The following CYB5A variants were observed in gnomAD, a reference collection of about 807,000 sequenced individuals.
CYB5A encodes cytochrome b5 type A, also known as cytochrome b5.
In CYB5A, 10 loss-of-function variants were observed where a neutral mutation model predicts 16.2. The ratio of observed to expected loss-of-function variants is 0.62; its 90% CI spans 0.38 to 1.04. The LOEUF (loss-of-function observed/expected upper bound fraction) is 1.04. Ranked by LOEUF, CYB5A falls within the 50% of genes least tolerant of loss-of-function variation. The pLI, the probability that CYB5A is intolerant of heterozygous loss-of-function variation, is 0.01. For missense variants in CYB5A, 161 were observed against 165.9 expected, an observed-to-expected ratio of 0.97 and a Z score of 0.16; for synonymous variants, 62 against 57.0, an observed-to-expected ratio of 1.09 and a Z score of -0.40.
intron 1 of CYB5A, among the ~76,000 whole-genome samples, chr18:74,272,724 G>C (rs990226755): frequency 2.0e-5 from 3 of 152,264 alleles, no homozygotes; most frequent in African/African-American, 7.2e-5. Flanking sequence ...TTCAAGACCA[G>C]CCTGGCCAAC....
intron 1 of CYB5A, among the ~76,000 whole-genome samples, chr18:74,286,648 A>T (rs951573131): frequency 1.3e-5 from 2 of 152,218 alleles, no homozygotes; most frequent in African/African-American, 4.8e-5. Flanking sequence ...GTCTAAGACC[A>T]GGTCTAGTTT....
At chr18:74,266,583 A>G (rs1054553435) in intron 1 of CYB5A, among the ~76,000 whole-genome samples, 2 of 152,172 alleles carry the variant, frequency 1.3e-5, no homozygotes, top group Admixed American at 6.5e-5. Flanking sequence ...TACACATTCA[A>G]TTTCATGGGG....
In CYB5A at chr18:74,278,142, C is replaced by T. The variant is rs192830084; in HGVS notation, c.129+13605G>A. ...AGGCAGGCATTACCATTACTATCCCCACTTTACAGACAGAGGTGACGGAGC... is the reference window on the plus strand; with the variant it reads ...AGGCAGGCATTACCATTACTATCCCTACTTTACAGACAGAGGTGACGGAGC... On this transcript the variant is annotated intron_variant, in intron 1 of 4. Coordinates refer to ENST00000340533, the MANE Select transcript of CYB5A (RefSeq NM_148923.4). Among the ~76,000 whole-genome samples, 4 of 152,300 alleles carry T rather than the reference C, an allele frequency of 2.6e-5. No homozygotes were observed. The East Asian group carries it at 7.7e-4, about 29-fold the overall frequency.
At chr18:74,280,439 A>G (rs2145075557) in intron 1 of CYB5A, among the ~76,000 whole-genome samples, 1 of 151,700 alleles carries the variant, frequency 6.6e-6, no homozygotes, top group South Asian at 2.1e-4. Flanking sequence ...TTAGCCAGGC[A>G]TGGTGGTGCA....
chr18:74,274,636 G>T (rs1018017357), intron 1 of CYB5A, among the ~76,000 whole-genome samples: 2 of 152,046 alleles, frequency 1.3e-5, no homozygotes, highest in Non-Finnish European at 2.9e-5. Flanking sequence ...TTGTTTCTAG[G>T]GCCATTTTAT....
At chr18:74,256,853 C>T (rs1003756103) in intron 3 of CYB5A, 1 of 1,613,686 alleles carries the variant, frequency 6.2e-7, no homozygotes, top group Non-Finnish European at 8.5e-7. Flanking sequence ...CTTTAAGGTT[C>T]CTGACACAGT....
intron 1 of CYB5A, among the ~76,000 whole-genome samples, chr18:74,290,710 G>A (rs1983498793): frequency 6.6e-6 from 1 of 152,166 alleles, no homozygotes; most frequent in Admixed American, 6.5e-5. Context: ...ATTGGGAGGG[G>A]GCGTGAGCAT....
chr18:74,269,350 C>T (rs1982574525), intron 1 of CYB5A, among the ~76,000 whole-genome samples: 1 of 152,184 alleles, frequency 6.6e-6, no homozygotes, highest in African/African-American at 2.4e-5. Context: ...TCCTGATCGT[C>T]TACGTGTCTA....
chr18:74,260,080 T>C (rs1205274945), intron 3 of CYB5A: 1 of 152,320 alleles, frequency 6.6e-6, no homozygotes, highest in African/African-American at 2.4e-5. Flanking sequence ...TTAAAGATGA[T>C]GTCTTGGCAG....
At position 74,252,175 on chromosome 18, in the gene CYB5A, C is replaced by T. The variant is rs1251891892; in HGVS notation, c.*1409G>A. 2.6e-5 allele frequency: 4 copies of T among 152,236 alleles called. No homozygotes were observed. Among genetic ancestry groups the T allele is most frequent in the Non-Finnish European group, 4.4e-5 (3 of 68,044 alleles). The allele number at this position is 152,236 out of a possible 1,614,324, so 9.4% of individuals were successfully genotyped here. A position where few individuals can be genotyped will look rare whatever the true frequency, so the allele number is the denominator to read the frequency against. ...AAGGTTGTACTCTGTAAGAACAACA[C>T]AATTCCTTTCCACTGCACGCGGTCA... On this transcript the variant is annotated 3_prime_UTR_variant, in exon 5 of 5. Transcript: ENST00000340533.
intron 3 of CYB5A, chr18:74,257,073 T>C (rs748178717): frequency 1.9e-6 from 1 of 523,296 alleles, no homozygotes; most frequent in Non-Finnish European, 3.4e-6. Context: ...CACAATCAGT[T>C]CTGAAACAAA....
In CYB5A at chr18:74,260,895, C is replaced by T. The variant is rs1178217210; in HGVS notation, c.288+20G>A. 1 of 1,607,072 alleles carries T rather than the reference C, an allele frequency of 6.2e-7. No homozygotes were observed. Among genetic ancestry groups the T allele is most frequent in the Middle Eastern group, 1.7e-4 (1 of 6,042 alleles). On this transcript the variant is annotated intron_variant, in intron 3 of 4. Coordinates refer to ENST00000340533, the MANE Select transcript of CYB5A (RefSeq NM_148923.4). ...AATACAACGAGAACATCCAGAGATACTTGAGATGGTCACACTTACCGGAGG... is the reference window on the plus strand; with the variant it reads ...AATACAACGAGAACATCCAGAGATATTTGAGATGGTCACACTTACCGGAGG...
chr18:74,263,946 T>C (rs1233352123), intron 1 of CYB5A, among the ~76,000 whole-genome samples: 1 of 151,438 alleles, frequency 6.6e-6, no homozygotes, highest in African/African-American at 2.4e-5. Context: ...AAACAACCTT[T>C]CCCGGCCGGG....
intron 3 of CYB5A, chr18:74,256,322 A>T: frequency 5.9e-6 from 1 of 169,126 alleles, no homozygotes; most frequent in Non-Finnish European, 1.2e-5. Flanking sequence ...TTTAATTCTG[A>T]CCAGACGGAA....
chr18:74,264,764 A>G (rs147589356), intron 1 of CYB5A, among the ~76,000 whole-genome samples: 99 of 152,290 alleles, frequency 6.5e-4, no homozygotes, highest in Admixed American at 1.2e-3. Context: ...AGCTGCTTTA[A>G]TATGTGAAAC....
intron 3 of CYB5A, chr18:74,256,858 C>G (rs367955790): frequency 4.3e-6 from 7 of 1,613,526 alleles, no homozygotes; most frequent in Middle Eastern, 1.6e-4. Context: ...AGGTTCCTGA[C>G]ACAGTAGGGG....
chr18:74,281,388 C>G (rs1166168692), intron 1 of CYB5A, among the ~76,000 whole-genome samples: 2 of 152,170 alleles, frequency 1.3e-5, no homozygotes, highest in East Asian at 3.9e-4. Context: ...TGTGAGCCTG[C>G]CAAAGCGGAA....
chr18:74,278,950 C>CTTCA (rs1462609384), intron 1 of CYB5A, among the ~76,000 whole-genome samples: 10 of 152,310 alleles, frequency 6.6e-5, no homozygotes, highest in African/African-American at 1.9e-4. Flanking sequence ...CCTCTAATCT[C>CTTCA]TGAAGAGTAC....
chr18:74,270,253 T>C (rs1982619596), intron 1 of CYB5A, among the ~76,000 whole-genome samples: 1 of 152,006 alleles, frequency 6.6e-6, no homozygotes. Flanking sequence ...CTCCCCTGAT[T>C]TCCCCATCTA....
Sources: allele counts gnomAD v4.1 joint callset (sites outside exome capture counted in the v4.1 genomes callset), GRCh38; gene constraint gnomAD v4.1.1; transcripts MANE v1.5; gene names NCBI Gene and HGNC (gene_info 2026-07-23, HGNC 2026-07-21).